Variants in ROBO2 observed in about 807,000 individuals in gnomAD.
ROBO2 encodes roundabout guidance receptor 2.
In ROBO2, 53 loss-of-function variants were observed where a neutral mutation model predicts 160.8. That is an observed-to-expected ratio of 0.33 (90% CI 0.26 to 0.41). The LOEUF is 0.41. ROBO2 is among the 10% of genes least tolerant of loss of function. The probability of loss-of-function intolerance (pLI) is 1.00; values close to 1 mark genes in which losing one functional copy is unlikely to be tolerated. For missense variants in ROBO2, 1,577 were observed against 1,722.4 expected (o/e 0.92, Z 1.49); for synonymous variants, 664 against 611.7 (o/e 1.09, Z -1.26).
chr3:76,908,667 T>C (rs2075773967), intron 2 of ROBO2, among the ~76,000 whole-genome samples: 1 of 152,120 alleles, frequency 6.6e-6, no homozygotes, highest in Admixed American at 6.6e-5. Flanking sequence ...AGGTGAAAGG[T>C]TACTTTTGGA....
intron 2 of ROBO2, among the ~76,000 whole-genome samples, chr3:76,456,822 C>T (rs568971592): frequency 4.0e-5 from 6 of 151,880 alleles, no homozygotes; most frequent in Admixed American, 1.3e-4. Flanking sequence ...TGGTGGGAGG[C>T]GAAAAGCACT....
At chr3:76,923,446 C>T (rs954920635) in intron 2 of ROBO2, among the ~76,000 whole-genome samples, 3 of 152,024 alleles carry the variant, frequency 2.0e-5, no homozygotes, top group African/African-American at 7.3e-5. Context: ...CAGGTGGGTG[C>T]GAATGTGTAT....
intron 4 of ROBO2, among the ~76,000 whole-genome samples, chr3:77,490,524 A>C (rs1290252886): frequency 6.6e-6 from 1 of 152,102 alleles, no homozygotes. Context: ...ATTTGATCAT[A>C]TTTATCTTCA....
intron 2 of ROBO2, among the ~76,000 whole-genome samples, chr3:76,215,253 C>T (rs1200211563): frequency 6.6e-6 from 1 of 152,148 alleles, no homozygotes; most frequent in East Asian, 1.9e-4. Context: ...AAATCGAGCA[C>T]CTCTCCTCCT....
chr3:76,558,431 G>T (rs373186569), intron 2 of ROBO2, among the ~76,000 whole-genome samples: 50 of 152,148 alleles, frequency 3.3e-4, no homozygotes, highest in Middle Eastern at 6.8e-3. Context: ...TTCAAGCTAT[G>T]GCAATCCCAG....
intron 2 of ROBO2, chr3:77,316,706 G>A (rs920627282): frequency 6.2e-6 from 5 of 806,624 alleles, no homozygotes; most frequent in Non-Finnish European, 1.1e-5. Flanking sequence ...TCTGAAGGTA[G>A]CTATGCTGCA....
At chr3:77,124,206 G>A (rs544012872) in intron 2 of ROBO2, among the ~76,000 whole-genome samples, 59 of 152,222 alleles carry the variant, frequency 3.9e-4, no homozygotes, top group African/African-American at 1.2e-3. Flanking sequence ...GGCTTGAGCC[G>A]AATGAAAGAT....
chr3:75,978,318 T>A (rs1032004658), intron 2 of ROBO2, among the ~76,000 whole-genome samples: 2 of 151,522 alleles, frequency 1.3e-5, no homozygotes, highest in Admixed American at 6.6e-5. Flanking sequence ...TTTAAAAAAG[T>A]ACTTACAATG....
intron 2 of ROBO2, among the ~76,000 whole-genome samples, chr3:76,901,931 C>A (rs1361367788): frequency 6.6e-6 from 1 of 151,920 alleles, no homozygotes; most frequent in African/African-American, 2.4e-5. Context: ...CCTAAGGGTA[C>A]CCATGTTGAA....
In ROBO2 at chr3:76,697,454, G is replaced by C. The variant is rs142534193; in HGVS notation, c.110-400560G>C. The stretch of plus-strand genomic sequence containing the variant: ...AGTCCAGGAATTGAAGACCAGCATG[G>C]GAAACATGGCAAAACCCTTTCTGTA... On this transcript the variant is annotated intron_variant, in intron 2 of 26. Transcript: ENST00000487694. Among the ~76,000 whole-genome samples, 349 of 152,088 alleles carry C rather than the reference G, an allele frequency of 2.3e-3. 3 individuals carry two copies. The highest frequency in any genetic ancestry group is 5.9e-4 in the Non-Finnish European group (40 of 67,992).
chr3:76,242,246 C>T (rs1344757519), intron 2 of ROBO2, among the ~76,000 whole-genome samples: 1 of 151,894 alleles, frequency 6.6e-6, no homozygotes, highest in African/African-American at 2.4e-5. Context: ...GATCTGTGCA[C>T]TCTTGGCTAC....
upstream of ROBO2, among the ~76,000 whole-genome samples, chr3:77,039,659 C>T (rs1286707087): frequency 2.6e-5 from 4 of 152,122 alleles, no homozygotes. Context: ...GGACTCTCGG[C>T]TCTCCAGGAC....
At chr3:76,191,556 G>A (rs1216163608) in intron 2 of ROBO2, among the ~76,000 whole-genome samples, 1 of 151,940 alleles carries the variant, frequency 6.6e-6, no homozygotes, top group Non-Finnish European at 1.5e-5. Context: ...ATAATTCTCA[G>A]TATATTCTTC....
At chr3:76,334,205 T>A (rs536021766) in intron 2 of ROBO2, among the ~76,000 whole-genome samples, 144 of 152,314 alleles carry the variant, frequency 9.5e-4, no homozygotes, top group Middle Eastern at 3.4e-3. Flanking sequence ...ATCATTATTA[T>A]CATTGCCTGA....
chr3:77,215,168 A>C (rs976829116), intron 2 of ROBO2, among the ~76,000 whole-genome samples: 10 of 152,222 alleles, frequency 6.6e-5, no homozygotes, highest in African/African-American at 2.4e-4. Flanking sequence ...AATATCCTGC[A>C]GAGTGTTTTC....
chr3:77,116,730 G>C (rs1363575444), intron 2 of ROBO2, among the ~76,000 whole-genome samples: 2 of 152,128 alleles, frequency 1.3e-5, no homozygotes, highest in Non-Finnish European at 2.9e-5. Context: ...CTTTGGCTAC[G>C]GTTCTTGTCT....
intron 2 of ROBO2, among the ~76,000 whole-genome samples, chr3:76,197,359 C>G (rs1702310033): frequency 6.9e-6 from 1 of 145,370 alleles, no homozygotes; most frequent in Admixed American, 6.8e-5. Flanking sequence ...TCTGGGCCTG[C>G]CTTTCTCCTT....
chr3:76,117,336 T>C (rs766591403), intron 2 of ROBO2, among the ~76,000 whole-genome samples: 2 of 152,236 alleles, frequency 1.3e-5, no homozygotes, highest in Non-Finnish European at 2.9e-5. Flanking sequence ...ACTGATTAAA[T>C]TGACCTCTTT....
intron 2 of ROBO2, among the ~76,000 whole-genome samples, chr3:77,184,410 T>C (rs2081089496): frequency 6.6e-6 from 1 of 151,970 alleles, no homozygotes; most frequent in Non-Finnish European, 1.5e-5. Flanking sequence ...AAAGGGAATA[T>C]TATATGCAAA....
Sources: gnomAD v4.1 joint callset for allele counts (sites outside exome capture counted in the v4.1 genomes callset) on GRCh38, gnomAD v4.1.1 for gene constraint, MANE v1.5 for transcripts, NCBI Gene and HGNC (gene_info 2026-07-23, HGNC 2026-07-21) for gene names.